BDP1: variants seen among roughly 807,000 people sequenced by gnomAD.
BDP1 encodes the protein BDP1 general transcription factor IIIB subunit.
BDP1 carries 169 observed loss-of-function variants against 266.6 expected under a neutral mutation model. The ratio of observed to expected loss-of-function variants is 0.63; its 90% CI spans 0.56 to 0.72. The LOEUF (loss-of-function observed/expected upper bound fraction) is 0.72. BDP1 is among the 30% of genes least tolerant of loss of function. The pLI is 0.00. For missense variants in BDP1, 3,015 were observed against 3,053.8 expected, an observed-to-expected ratio of 0.99 and a Z score of 0.30; for synonymous variants, 1,090 against 1,022.4, an observed-to-expected ratio of 1.07 and a Z score of -1.26.
chr5:71,548,596 T>C (rs1392157657), intron 32 of BDP1, 86 bp from the exon 33 acceptor site: 11 of 807,594 alleles, frequency 1.4e-5, no homozygotes, highest in Non-Finnish European at 2.4e-5. Flanking sequence ...TGAGTTAATC[T>C]CTTCACTATA....
intron 34 of BDP1, among the ~76,000 whole-genome samples, chr5:71,552,124 G>A: frequency 6.8e-6 from 1 of 146,676 alleles, no homozygotes; most frequent in Non-Finnish European, 1.5e-5. Flanking sequence ...CCGGGCGGAG[G>A]GGCTCCTCAC....
At position 71,489,489 on chromosome 5, in the gene BDP1, G is replaced by T. The variant is rs568820482; in HGVS notation, c.1299G>T (p.Lys433Asn). The change falls in exon 10 of 39, where the codon AAG becomes AAT. Residue 433 changes from lysine (K) to asparagine (N), a missense_variant. Lys to Asn is a moderately conservative substitution (Grantham distance 94). Coordinates refer to ENST00000358731, the MANE Select transcript of BDP1 (RefSeq NM_018429.3). ...TTTCAGACACGGAAAGATCTCAGAAGGATGCTCAGACAGTTGAAGAAGAGT... is the reference window on the plus strand; with the variant it reads ...TTTCAGACACGGAAAGATCTCAGAATGATGCTCAGACAGTTGAAGAAGAGT... ...SRISDTERSQ[K>N]DAQTVEEESL... The T allele has an allele frequency of 1.2e-6, 2 of 1,614,054 alleles. No homozygotes were observed. The highest frequency in any genetic ancestry group is 4.5e-5 in the East Asian group (2 of 44,870).
At chr5:71,560,841 A>G (rs1743596560) in intron 37 of BDP1, among the ~76,000 whole-genome samples, 1 of 152,218 alleles carries the variant, frequency 6.6e-6, no homozygotes. Flanking sequence ...GGGGTTGGGG[A>G]AAGGACACAT....
chr5:71,551,942 G>A (rs1176886169), intron 34 of BDP1, among the ~76,000 whole-genome samples: 14 of 147,300 alleles, frequency 9.5e-5, no homozygotes, highest in African/African-American at 2.8e-4. Context: ...GCGGCTGGCC[G>A]GGCGGGGGGC....
intron 11 of BDP1, among the ~76,000 whole-genome samples, chr5:71,493,454 T>G (rs1241529813): frequency 2.0e-5 from 3 of 152,068 alleles, no homozygotes; most frequent in Non-Finnish European, 4.4e-5. Flanking sequence ...AGTAGAGATG[T>G]TTTCCAGGCT....
chr5:71,483,806 A>G (rs1763101041), intron 7 of BDP1, 36 bp from the exon 8 acceptor site: 1 of 1,519,098 alleles, frequency 6.6e-7, no homozygotes, highest in Non-Finnish European at 9.1e-7. Flanking sequence ...TTGTTTTATG[A>G]GAGAAAATTA....
intron 24 of BDP1, among the ~76,000 whole-genome samples, chr5:71,523,688 A>G (rs1436746881): frequency 6.6e-6 from 1 of 152,208 alleles, no homozygotes; most frequent in African/African-American, 2.4e-5. Context: ...CTTTCATATT[A>G]CAGGAAAGAA....
chr5:71,542,289 T>C (rs768463803), intron 30 of BDP1, 24 bp downstream of exon 30: 1 of 1,563,706 alleles, frequency 6.4e-7, no homozygotes, highest in East Asian at 2.3e-5. Flanking sequence ...TCTTAATATG[T>C]TGCAAAATCA....
At position 71,549,598 on chromosome 5, in the gene BDP1, T is replaced by G. The variant is rs748322095; in HGVS notation, c.6987T>G (p.Gly2329=). Residue 2329 remains glycine, a synonymous_variant, in exon 34 of 39, where the codon GGT becomes GGG. Coordinates refer to ENST00000358731, the MANE Select transcript of BDP1 (RefSeq NM_018429.3). ...AATCAGTGAATACCGAAGAAAGGGG[T>G]GACATGAGGTAACGAATGAGTGAAA... ...LVKSVNTEER[G]DMSICLPATS... 7.5e-6 allele frequency: 12 copies of G among 1,598,742 alleles called. No homozygotes were observed. The highest frequency in any genetic ancestry group is 1.0e-5 in the Non-Finnish European group (12 of 1,172,786).
intron 14 of BDP1, 109 bp downstream of exon 14, chr5:71,501,762 G>A: frequency 1.4e-6 from 1 of 698,274 alleles, no homozygotes; most frequent in Non-Finnish European, 2.4e-6. Context: ...TTTTCAAGCA[G>A]CATACTTTAA....
intron 6 of BDP1, among the ~76,000 whole-genome samples, chr5:71,469,366 T>C (rs571718360): frequency 3.3e-5 from 5 of 152,158 alleles, no homozygotes; most frequent in African/African-American, 9.6e-5. Context: ...CTGGAACTCC[T>C]GACCTCAAGT....
At chr5:71,515,144 C>A in intron 20 of BDP1, 22 bp downstream of exon 20, 2 of 1,532,932 alleles carry the variant, frequency 1.3e-6, no homozygotes, top group South Asian at 1.3e-5. Flanking sequence ...TTTTCTTTGA[C>A]AATATAAAAT....
rs373650680 is a variant in BDP1 at position 71,502,582 on chromosome 5, T to A, written c.2049-17T>A. On this transcript the variant is annotated splice_polypyrimidine_tract_variant and intron_variant, in intron 14 of 38. Coordinates refer to ENST00000358731, the MANE Select transcript of BDP1 (RefSeq NM_018429.3). ...GACTTCAAAATAAACATTAATTTTATTTCTTTGTGGTTCTAGTTTGGGTGA... is the reference window on the plus strand; with the variant it reads ...GACTTCAAAATAAACATTAATTTTAATTCTTTGTGGTTCTAGTTTGGGTGA... The A allele has an allele frequency of 1.3e-6, 2 of 1,567,162 alleles. No individual in the cohort carries two copies. Among genetic ancestry groups the A allele is most frequent in the Non-Finnish European group, 1.7e-6 (2 of 1,159,996 alleles).
At position 71,486,647 on chromosome 5, in the gene BDP1, G is replaced by A. The variant is rs1763280731; in HGVS notation, c.1213+20G>A. The A allele has an allele frequency of 6.7e-7, 1 of 1,496,662 alleles. No homozygotes were observed. The highest frequency in any genetic ancestry group is 8.8e-7 in the Non-Finnish European group (1 of 1,134,378). The allele number at this position is 1,496,662 out of a possible 1,614,324, so 92.7% of individuals were successfully genotyped here. ...TAAAAGGTATTGATTTTAAAAGGAAGTGTGATAGTTTACTTAGTAGTAATA... is the reference window on the plus strand; with the variant it reads ...TAAAAGGTATTGATTTTAAAAGGAAATGTGATAGTTTACTTAGTAGTAATA... On this transcript the variant is annotated intron_variant, in intron 9 of 38. Transcript: ENST00000358731.
rs746397650 is a variant in BDP1 at position 71,541,438 on chromosome 5, T to G, written c.6023-16T>G. The G allele has an allele frequency of 1.9e-5, 20 of 1,065,902 alleles. No individual in the cohort carries two copies. The highest frequency in any genetic ancestry group is 2.7e-5 in the East Asian group (1 of 36,688). 66.0% of individuals were successfully genotyped at this position (1,065,902 alleles called of 1,614,324 possible). A position where few individuals can be genotyped will look rare whatever the true frequency, so the allele number is the denominator to read the frequency against. ...ATTTGGTCCATTTTAATTTTGTTTT[T>G]TTTTTTTTTCTTCAGTAGGAGTATG... is the stretch of plus-strand genomic sequence containing the variant. On this transcript the variant is annotated splice_polypyrimidine_tract_variant and intron_variant, in intron 28 of 38. Transcript: ENST00000358731.
rs138909369 is a variant in BDP1, at chr5:71,465,408, C to T, written c.660-688C>T. Among the ~76,000 whole-genome samples, 28 of 152,152 alleles carry T rather than the reference C, an allele frequency of 1.8e-4. No individual in the cohort carries two copies. The East Asian group carries it at 2.5e-3, about 14-fold the overall frequency. ...TCCTGAGTAGCTGGGACTATAGGCA[C>T]GCATCACCATGCTGGGCTAATTTTT... On this transcript the variant is annotated intron_variant, in intron 4 of 38. Coordinates refer to ENST00000358731, the MANE Select transcript of BDP1 (RefSeq NM_018429.3).
At chr5:71,461,958 C>CTTTTTTT (rs370261571) in intron 3 of BDP1, 32 bp downstream of exon 3, 46 of 444,080 alleles carry the variant, frequency 1.0e-4, no homozygotes, top group African/African-American at 5.1e-4. Flanking sequence ...TTTACTATCT[C>CTTTTTTT]TTTTTTTTTT....
At chr5:71,480,790 C>T (rs1160708438) in intron 7 of BDP1, among the ~76,000 whole-genome samples, 1 of 152,162 alleles carries the variant, frequency 6.6e-6, no homozygotes, top group Non-Finnish European at 1.5e-5. Context: ...TCTCGAACTC[C>T]TGACCTCAAG....
rs893159753 is a variant in BDP1, at chr5:71,510,519, A to G, written c.3427A>G (p.Lys1143Glu). The change falls in exon 17 of 39, where the codon AAA becomes GAA. Residue 1143 changes from lysine (K) to glutamate (E), a missense_variant. Coordinates refer to ENST00000358731, the MANE Select transcript of BDP1 (RefSeq NM_018429.3). ...GATTGATGCCACTGAGGAAATAGACAAAGATCTGGAAGAAACTGGAAGAAG... is the reference window on the plus strand; with the variant it reads ...GATTGATGCCACTGAGGAAATAGACGAAGATCTGGAAGAAACTGGAAGAAG... ...EVIDATEEIDKDLEETGRREI... is the reference protein window; with the variant it reads ...EVIDATEEIDEDLEETGRREI... 1.2e-6 allele frequency: 2 copies of G among 1,613,866 alleles called. No homozygotes were observed. Among genetic ancestry groups the G allele is most frequent in the African/African-American group, 2.7e-5 (2 of 74,872 alleles).
Sources: allele counts gnomAD v4.1 joint callset (sites outside exome capture counted in the v4.1 genomes callset), GRCh38; gene constraint gnomAD v4.1.1; transcripts MANE v1.5; gene names NCBI Gene and HGNC (gene_info 2026-07-23, HGNC 2026-07-21).